Variants in SCFD2 observed in about 807,000 individuals in gnomAD.
SCFD2 encodes sec1 family domain containing 2.
A neutral mutation model predicts 58.9 loss-of-function variants in SCFD2; 54 were observed. The observed-to-expected ratio is 0.92, with a 90% CI of 0.74 to 1.15. The LOEUF (loss-of-function observed/expected upper bound fraction) is 1.15, where lower values mean the gene tolerates loss of function less well. Ranked by LOEUF, SCFD2 falls within the 50% of genes most tolerant of loss-of-function variation. The pLI is 0.00. For missense variants in SCFD2, 805 were observed against 836.6 expected (o/e 0.96, Z 0.47); for synonymous variants, 321 against 335.9 (o/e 0.96, Z 0.49).
At chr4:53,257,837 A>T (rs1223761716) in intron 4 of SCFD2, among the ~76,000 whole-genome samples, 1 of 152,122 alleles carries the variant, frequency 6.6e-6, no homozygotes, top group Non-Finnish European at 1.5e-5. Flanking sequence ...CATTAGTCCA[A>T]TACAATCTTT....
Position 53,255,867 on chromosome 4 carries a change from C to T in SCFD2, c.1311+17959G>A, listed in dbSNP as rs1477616619. Among the ~76,000 whole-genome samples the T allele has an allele frequency of 1.1e-4, 16 of 146,206 alleles. No individual in the cohort carries two copies. The East Asian group carries it at 1.5e-3, about 14-fold the overall frequency. On this transcript the variant is annotated intron_variant, in intron 4 of 8. Transcript: ENST00000401642. ...CTGACCCCCCCACCTCCATCCCGGACGGGGCGGCTGGCCGGGCAGAGGGGC... is the reference window on the plus strand; with the variant it reads ...CTGACCCCCCCACCTCCATCCCGGATGGGGCGGCTGGCCGGGCAGAGGGGC...
At chr4:53,250,123 A>G (rs1359501548) in intron 4 of SCFD2, among the ~76,000 whole-genome samples, 1 of 152,222 alleles carries the variant, frequency 6.6e-6, no homozygotes, top group African/African-American at 2.4e-5. Context: ...AAGCAAATGG[A>G]AAACAAAAAA....
intron 7 of SCFD2, among the ~76,000 whole-genome samples, chr4:52,887,868 G>C (rs1193899733): frequency 6.8e-6 from 1 of 146,450 alleles, no homozygotes; most frequent in Non-Finnish European, 1.5e-5. Flanking sequence ...TCCCTTGCCT[G>C]ATTATACCCA....
intron 5 of SCFD2, among the ~76,000 whole-genome samples, chr4:52,932,950 A>G (rs929010069): frequency 3.3e-5 from 5 of 152,152 alleles, no homozygotes; most frequent in African/African-American, 1.2e-4. Context: ...CTTGATTCAG[A>G]GTTGGGACAC....
At chr4:53,311,310 C>T (rs962792939) in intron 3 of SCFD2, among the ~76,000 whole-genome samples, 2 of 152,080 alleles carry the variant, frequency 1.3e-5, no homozygotes, top group African/African-American at 4.8e-5. Context: ...CTTCCTCCCA[C>T]TCTCACCCCA....
At chr4:53,248,080 C>T (rs1289273467) in intron 4 of SCFD2, among the ~76,000 whole-genome samples, 2 of 152,126 alleles carry the variant, frequency 1.3e-5, no homozygotes, top group Admixed American at 1.3e-4. Context: ...CCATGCGCCA[C>T]CCGAAGCAGG....
Position 53,145,346 on chromosome 4 carries a change from C to A in SCFD2, c.1548G>T (p.Leu516=). The change falls in exon 5 of 9, where the codon CTG becomes CTT. Residue 516 remains leucine, a synonymous_variant. Coordinates refer to ENST00000401642, the MANE Select transcript of SCFD2 (RefSeq NM_152540.4). Reference sequence around the variant, plus strand: ...TTAGACACTCACCCGTAATTTTTTGCAGCAAAGGTGACAATCCAGATTCCT... The same window carrying A: ...TTAGACACTCACCCGTAATTTTTTGAAGCAAAGGTGACAATCCAGATTCCT... ...FCEESGLSPL[L]QKITDWDSSI... The A allele has an allele frequency of 6.2e-7, 1 of 1,613,358 alleles. No individual in the cohort carries two copies. The highest frequency in any genetic ancestry group is 8.5e-7 in the Non-Finnish European group (1 of 1,179,780).
At chr4:53,238,165 T>G (rs1245742214) in intron 4 of SCFD2, among the ~76,000 whole-genome samples, 3 of 132,888 alleles carry the variant, frequency 2.3e-5, no homozygotes, top group Non-Finnish European at 4.9e-5. Context: ...ACGGGGTGGC[T>G]GGCCGGGCGG....
chr4:53,331,138 T>C (rs545363706), intron 2 of SCFD2, among the ~76,000 whole-genome samples: 1 of 150,918 alleles, frequency 6.6e-6, no homozygotes, highest in South Asian at 2.1e-4. Flanking sequence ...CTCCCACACA[T>C]TAATAATGGG....
chr4:53,215,847 T>C (rs1440896041), intron 4 of SCFD2, among the ~76,000 whole-genome samples: 2 of 152,096 alleles, frequency 1.3e-5, no homozygotes, highest in African/African-American at 4.8e-5. Flanking sequence ...TGAGAGTTTT[T>C]AGCATGAAGG....
intron 1 of SCFD2, among the ~76,000 whole-genome samples, chr4:53,362,795 G>A (rs1313207496): frequency 1.3e-5 from 2 of 152,100 alleles, no homozygotes; most frequent in South Asian, 2.1e-4. Context: ...GAAAGGGAGA[G>A]GGTATTTGAA....
At chr4:52,934,490 C>T (rs1183425888) in intron 5 of SCFD2, among the ~76,000 whole-genome samples, 2 of 152,150 alleles carry the variant, frequency 1.3e-5, no homozygotes, top group African/African-American at 2.4e-5. Flanking sequence ...CTTCAGGGCT[C>T]TACATTTCCA....
intron 4 of SCFD2, among the ~76,000 whole-genome samples, chr4:53,164,212 T>C (rs1389098603): frequency 6.6e-6 from 1 of 152,158 alleles, no homozygotes; most frequent in Non-Finnish European, 1.5e-5. Flanking sequence ...AGAGGCCTGG[T>C]GTGCGAGGTA....
At chr4:52,975,177 T>A (rs1281712679) in intron 5 of SCFD2, among the ~76,000 whole-genome samples, 4 of 151,528 alleles carry the variant, frequency 2.6e-5, no homozygotes, top group African/African-American at 7.3e-5. Flanking sequence ...AATGGGATCT[T>A]ATTAAACTAA....
intron 5 of SCFD2, among the ~76,000 whole-genome samples, chr4:53,060,440 T>C (rs1412089461): frequency 6.6e-6 from 1 of 152,164 alleles, no homozygotes; most frequent in Non-Finnish European, 1.5e-5. Flanking sequence ...AAGATGCTTA[T>C]TATACACATG....
chr4:53,027,262 T>G (rs1440583069), intron 5 of SCFD2, among the ~76,000 whole-genome samples: 2 of 152,122 alleles, frequency 1.3e-5, no homozygotes, highest in African/African-American at 4.8e-5. Context: ...CACTTCTTTT[T>G]TTTTTTTGGC....
At chr4:53,100,676 C>A (rs565214804) in intron 5 of SCFD2, among the ~76,000 whole-genome samples, 1 of 152,204 alleles carries the variant, frequency 6.6e-6, no homozygotes, top group South Asian at 2.1e-4. Flanking sequence ...ACATAAGGCT[C>A]CCTATGGAAT....
At chr4:53,363,883 T>C (rs143870086) in intron 1 of SCFD2, among the ~76,000 whole-genome samples, 2 of 150,898 alleles carry the variant, frequency 1.3e-5, no homozygotes, top group East Asian at 2.0e-4. Flanking sequence ...GTTACTATGA[T>C]GCTGGACAGT....
chr4:52,994,036 G>C (rs1401426871), intron 5 of SCFD2, among the ~76,000 whole-genome samples: 1 of 152,232 alleles, frequency 6.6e-6, no homozygotes, highest in African/African-American at 2.4e-5. Flanking sequence ...GTTTGGAGCT[G>C]CTCCTGTTCA....
Sources: gnomAD v4.1 joint callset for allele counts (sites outside exome capture counted in the v4.1 genomes callset) on GRCh38, gnomAD v4.1.1 for gene constraint, MANE v1.5 for transcripts, NCBI Gene and HGNC (gene_info 2026-07-23, HGNC 2026-07-21) for gene names.